The following IMPG1 variants were observed in gnomAD, a reference collection of about 807,000 sequenced individuals.
IMPG1 encodes the protein interphotoreceptor matrix proteoglycan of 150 kDa.
A neutral mutation model predicts 92.0 loss-of-function variants in IMPG1; 85 were observed. The ratio of observed to expected loss-of-function variants is 0.92; its 90% CI spans 0.78 to 1.11. The LOEUF (loss-of-function observed/expected upper bound fraction) is 1.11. Among genes scored for constraint, IMPG1 ranks in the 50% least tolerant of loss-of-function variants. The pLI is 0.00. For synonymous variants in IMPG1, 367 were observed against 334.1 expected, an observed-to-expected ratio of 1.10 and a Z score of -1.08; for missense variants, 1,022 against 956.0, an observed-to-expected ratio of 1.07 and a Z score of -0.91.
chr6:76,072,029 T>G (rs1784410412), intron 1 of IMPG1, among the ~76,000 whole-genome samples: 1 of 152,136 alleles, frequency 6.6e-6, no homozygotes, highest in Non-Finnish European at 1.5e-5. Context: ...TACTTTTTTT[T>G]GTCTGACCAT....
In IMPG1 at chr6:75,931,968, G is replaced by A. The variant is rs1285284317; in HGVS notation, c.2045-817C>T. On this transcript the variant is annotated intron_variant, in intron 14 of 16. Transcript: ENST00000369950. ...AGAAGCAACTGACCGGAGTCCTCAA[G>A]GGCTGATGGCAGAACCAGAACAGGC... 4.6e-5 allele frequency among the ~76,000 whole-genome samples: 7 copies of A among 152,200 alleles called. No individual in the cohort carries two copies. The East Asian group carries it at 1.2e-3, about 25-fold the overall frequency.
intron 14 of IMPG1, among the ~76,000 whole-genome samples, chr6:75,931,579 G>GT (rs56018032): frequency 1.4e-3 from 211 of 147,248 alleles, no homozygotes; most frequent in Admixed American, 2.0e-3. Flanking sequence ...TTGTTACTTA[G>GT]TTTTTTTTTT....
intron 14 of IMPG1, among the ~76,000 whole-genome samples, chr6:75,943,899 C>T (rs1044360862): frequency 3.9e-5 from 6 of 152,246 alleles, no homozygotes; most frequent in African/African-American, 1.2e-4. Flanking sequence ...ACAACAGAAA[C>T]TTGTCCTTAA....
intron 1 of IMPG1, among the ~76,000 whole-genome samples, chr6:76,042,456 C>G (rs1176699535): frequency 6.6e-6 from 1 of 152,022 alleles, no homozygotes; most frequent in Non-Finnish European, 1.5e-5. Context: ...AGAGATGTCT[C>G]TTATGATAGA....
chr6:76,035,814 C>T (rs989144158), intron 2 of IMPG1, among the ~76,000 whole-genome samples: 1 of 152,124 alleles, frequency 6.6e-6, no homozygotes, highest in African/African-American at 2.4e-5. Flanking sequence ...GTTATCACAC[C>T]AAGGAGCAAT....
intron 15 of IMPG1, among the ~76,000 whole-genome samples, chr6:75,925,203 T>C (rs992483359): frequency 6.3e-4 from 96 of 152,276 alleles, no homozygotes; most frequent in African/African-American, 2.2e-3. Flanking sequence ...TATACATGTA[T>C]TGAAATATCA....
chr6:75,947,544 A>G lies in IMPG1; in HGVS notation c.1825-11T>C, dbSNP rs770835713. On this transcript the variant is annotated splice_polypyrimidine_tract_variant and intron_variant, in intron 13 of 16. Transcript: ENST00000369950. ...TAGATATGGAACCAGCTGCAAAATA[A>G]AAGATGGTTTCCTCTTAACTGTGTT... is the stretch of plus-strand genomic sequence containing the variant. 1.7e-5 allele frequency: 27 copies of G among 1,597,946 alleles called. No individual in the cohort carries two copies. Among genetic ancestry groups the G allele is most frequent in the Non-Finnish European group, 2.3e-5 (27 of 1,166,838 alleles).
At chr6:76,025,364 G>C in intron 4 of IMPG1, 106 bp from the exon 5 acceptor site, 1 of 527,588 alleles carries the variant, frequency 1.9e-6, no homozygotes, top group East Asian at 3.0e-5. Flanking sequence ...AAAGTTATAG[G>C]AAAAGCATAC....
At chr6:76,009,553 A>T (rs558073044) in intron 8 of IMPG1, among the ~76,000 whole-genome samples, 3 of 152,226 alleles carry the variant, frequency 2.0e-5, no homozygotes, top group Non-Finnish European at 4.4e-5. Flanking sequence ...TCATGAGCAC[A>T]TTATTTATTG....
At chr6:76,046,504 A>G (rs1363202243) in intron 1 of IMPG1, among the ~76,000 whole-genome samples, 1 of 152,202 alleles carries the variant, frequency 6.6e-6, no homozygotes, top group Non-Finnish European at 1.5e-5. Flanking sequence ...TCTGAATTTA[A>G]CTTAAATATG....
chr6:76,070,476 A>G (rs1189128849), intron 1 of IMPG1, among the ~76,000 whole-genome samples: 1 of 152,170 alleles, frequency 6.6e-6, no homozygotes, highest in African/African-American at 2.4e-5. Context: ...TATCTACCCA[A>G]AGGAAAATAA....
intron 12 of IMPG1, among the ~76,000 whole-genome samples, chr6:75,994,922 T>A (rs1473598396): frequency 2.6e-5 from 4 of 152,224 alleles, no homozygotes; most frequent in Admixed American, 2.6e-4. Flanking sequence ...TCCTAGGATG[T>A]GCTCACTAAC....
chr6:75,935,941 C>T (rs1399602922), intron 14 of IMPG1, among the ~76,000 whole-genome samples: 3 of 152,146 alleles, frequency 2.0e-5, no homozygotes, highest in African/African-American at 4.8e-5. Flanking sequence ...CTTGGGGCTT[C>T]GAGTTTAGTA....
At chr6:75,975,241 G>T (rs1218590328) in intron 12 of IMPG1, among the ~76,000 whole-genome samples, 1 of 152,266 alleles carries the variant, frequency 6.6e-6, no homozygotes, top group African/African-American at 2.4e-5. Context: ...CATGTGCCAG[G>T]CTTCTAGAGC....
In IMPG1 at chr6:76,062,402, G is replaced by A. The variant is rs186894489; in HGVS notation, c.67+10020C>T. ...ATGCTTGTCAAAATTAGATGGCAATGTAGAACATTTATATGACATAATAAA... is the reference window on the plus strand; with the variant it reads ...ATGCTTGTCAAAATTAGATGGCAATATAGAACATTTATATGACATAATAAA... On this transcript the variant is annotated intron_variant, in intron 1 of 16. Transcript: ENST00000369950. 1.6e-3 allele frequency among the ~76,000 whole-genome samples: 240 copies of A among 152,302 alleles called. 1 individual carries two copies. Among genetic ancestry groups the A allele is most frequent in the Non-Finnish European group, 2.5e-3 (173 of 68,016 alleles).
chr6:75,939,413 A>G (rs1781802936), intron 14 of IMPG1, among the ~76,000 whole-genome samples: 2 of 151,024 alleles, frequency 1.3e-5, no homozygotes, highest in African/African-American at 4.9e-5. Context: ...ATGTGTTCTC[A>G]CTGTTCAATT....
intron 12 of IMPG1, among the ~76,000 whole-genome samples, chr6:75,984,885 C>T (rs2149470946): frequency 6.6e-6 from 1 of 152,272 alleles, no homozygotes; most frequent in Non-Finnish European, 1.5e-5. Context: ...GACATGCTTG[C>T]TCCCACCTCA....
At position 76,042,057 on chromosome 6, in the gene IMPG1, T is replaced by G. The variant is rs1454011898; in HGVS notation, c.137A>C (p.Glu46Ala). 6 of 1,611,772 alleles carry G rather than the reference T, an allele frequency of 3.7e-6. No individual in the cohort carries two copies. The highest frequency in any genetic ancestry group is 5.1e-6 in the Non-Finnish European group (6 of 1,177,838). The change falls in exon 2 of 17, where the codon GAA (glutamate) becomes GCA (alanine). Residue 46 changes from glutamate to alanine, a missense_variant. Physicochemically the swap from Glu to Ala is moderately radical, Grantham distance 107. This residue lies in a region of IMPG1 where 681 missense variants were observed against 583.6 expected (regional missense o/e 1.17). Transcript: ENST00000369950. The stretch of plus-strand genomic sequence containing the variant: ...CATTTTGTACATTTTTTCAGTACTT[T>G]CAGTTGTTTCATTTCTTGGGGGATT... Reference protein sequence around the residue: ...IDNPPRNETTESTEKMYKMST... With the variant: ...IDNPPRNETTASTEKMYKMST...
At chr6:75,992,304 C>G (rs983870354) in intron 12 of IMPG1, among the ~76,000 whole-genome samples, 1 of 152,124 alleles carries the variant, frequency 6.6e-6, no homozygotes, top group South Asian at 2.1e-4. Context: ...CTCTCTCTCC[C>G]TCTCTCTCTT....
Sources: allele counts gnomAD v4.1 joint callset (sites outside exome capture counted in the v4.1 genomes callset), GRCh38; gene constraint gnomAD v4.1.1; regional missense constraint gnomAD v4.1.1; transcripts MANE v1.5; gene names NCBI Gene and HGNC (gene_info 2026-07-23, HGNC 2026-07-21).